ARHGAP21: variants seen among roughly 807,000 people sequenced by gnomAD.
ARHGAP21 encodes Rho GTPase activating protein 21.
In ARHGAP21, 38 loss-of-function variants were observed where a neutral mutation model predicts 164.6. The observed-to-expected ratio is 0.23, with a 90% CI of 0.18 to 0.30. The LOEUF (loss-of-function observed/expected upper bound fraction) is 0.30, where lower values mean the gene tolerates loss of function less well. Ranked by LOEUF, ARHGAP21 falls within the 10% of genes least tolerant of loss-of-function variation. The probability of loss-of-function intolerance (pLI) is 1.00; values close to 1 mark genes in which losing one functional copy is unlikely to be tolerated. For synonymous variants in ARHGAP21, 766 were observed against 857.9 expected (o/e 0.89, Z 1.87); for missense variants, 1,822 against 2,370.7 (o/e 0.77, Z 4.81).
In ARHGAP21 at chr10:24,586,133, C is replaced by T. The variant is rs772578206; in HGVS notation, c.4183-27G>A. The T allele has an allele frequency of 4.9e-5, 75 of 1,542,242 alleles. No homozygotes were observed. In the South Asian group the frequency reaches 9.0e-4, roughly 19 times the overall value. ...TGGGAAGCAAGAGAGAAGAAAGACT[C>T]TGAGCATAAGAATGCAGCTGAGTTC... On this transcript the variant is annotated intron_variant, in intron 25 of 25. Transcript: ENST00000396432.
At position 24,620,076 on chromosome 10, in the gene ARHGAP21, G is replaced by A; in HGVS notation, c.1819C>T (p.Leu607=). Residue 607 remains leucine (L), a synonymous_variant, in exon 9 of 26, where the codon CTG becomes TTG. Transcript: ENST00000396432. ...RNFQTTCGMS[L]PRGISQDRSP... The stretch of plus-strand genomic sequence containing the variant: ...CTGTCTTGTGAAATACCCCGAGGCA[G>A]TGACATTCCACAAGTAGTCTGAAAA... The A allele has an allele frequency of 6.2e-7, 1 of 1,613,960 alleles. No individual in the cohort carries two copies. Among genetic ancestry groups the A allele is most frequent in the Non-Finnish European group, 8.5e-7 (1 of 1,179,862 alleles).
At chr10:24,659,385 G>A (rs1485899449) in intron 4 of ARHGAP21, among the ~76,000 whole-genome samples, 2 of 152,060 alleles carry the variant, frequency 1.3e-5, no homozygotes, top group Non-Finnish European at 1.5e-5. Context: ...GGCGGATCTC[G>A]GCTCACTGCA....
intron 4 of ARHGAP21, among the ~76,000 whole-genome samples, chr10:24,652,559 T>C (rs1838291909): frequency 6.6e-6 from 1 of 152,208 alleles, no homozygotes; most frequent in Non-Finnish European, 1.5e-5. Context: ...CAGGTTGAAT[T>C]ACCTGCTAAT....
At chr10:24,634,217 A>C (rs1251645389) in intron 5 of ARHGAP21, among the ~76,000 whole-genome samples, 10 of 152,016 alleles carry the variant, frequency 6.6e-5, no homozygotes, top group Admixed American at 6.6e-4. Flanking sequence ...ATGATATTTA[A>C]ATCAGGCTTA....
At chr10:24,591,598 C>T in intron 23 of ARHGAP21, 44 bp downstream of exon 23, 10 of 1,604,806 alleles carry the variant, frequency 6.2e-6, no homozygotes, top group African/African-American at 1.3e-5. Flanking sequence ...ATCTTGTGTC[C>T]CAAATGAAAC....
intron 2 of ARHGAP21, among the ~76,000 whole-genome samples, chr10:24,702,199 C>T (rs1421919247): frequency 7.1e-6 from 1 of 141,296 alleles, no homozygotes; most frequent in Admixed American, 7.6e-5. Flanking sequence ...GGCGCGATCT[C>T]GGCTCACTGC....
intron 21 of ARHGAP21, 126 bp downstream of exon 21, chr10:24,594,821 TAAG>T (rs1192306971): frequency 9.7e-6 from 6 of 618,666 alleles, no homozygotes; most frequent in Non-Finnish European, 1.5e-5. Flanking sequence ...AAAACAATTT[TAAG>T]AAGGACTTAC....
intron 4 of ARHGAP21, among the ~76,000 whole-genome samples, chr10:24,656,452 G>A (rs1370105327): frequency 7.3e-5 from 5 of 68,548 alleles, no homozygotes; most frequent in Non-Finnish European, 1.2e-4. Context: ...GCCTCTGCCC[G>A]GCCACCCCTA....
intron 4 of ARHGAP21, among the ~76,000 whole-genome samples, chr10:24,637,296 G>A (rs1347929209): frequency 6.6e-6 from 1 of 152,280 alleles, no homozygotes; most frequent in African/African-American, 2.4e-5. Flanking sequence ...AAATGCAAAC[G>A]CTGAATTCCT....
At chr10:24,624,218 T>G (rs1834849955) in intron 7 of ARHGAP21, among the ~76,000 whole-genome samples, 1 of 152,028 alleles carries the variant, frequency 6.6e-6, no homozygotes. Context: ...CAAGAACATT[T>G]TTCACAAAAT....
chr10:24,692,703 A>G (rs2132031141), intron 2 of ARHGAP21, among the ~76,000 whole-genome samples: 1 of 152,236 alleles, frequency 6.6e-6, no homozygotes, highest in East Asian at 1.9e-4. Context: ...GTGGTGGCAG[A>G]CACCTATAAT....
At chr10:24,603,920 C>T (rs553303217) in intron 12 of ARHGAP21, among the ~76,000 whole-genome samples, 23 of 151,822 alleles carry the variant, frequency 1.5e-4, no homozygotes, top group African/African-American at 4.6e-4. Context: ...CGCTTGAACC[C>T]GGGAGGTGGA....
At chr10:24,679,540 T>A (rs142873675) in intron 2 of ARHGAP21, among the ~76,000 whole-genome samples, 31 of 152,344 alleles carry the variant, frequency 2.0e-4, no homozygotes, top group African/African-American at 7.2e-4. Context: ...ACTGCCAAAC[T>A]GCTTTTCAGA....
At chr10:24,674,321 G>A (rs1428756948) in intron 2 of ARHGAP21, among the ~76,000 whole-genome samples, 1 of 152,194 alleles carries the variant, frequency 6.6e-6, no homozygotes, top group Non-Finnish European at 1.5e-5. Context: ...ATCACCTGAG[G>A]TCAGGAGTTC....
intron 25 of ARHGAP21, among the ~76,000 whole-genome samples, chr10:24,588,810 A>G (rs2076212983): frequency 1.3e-5 from 2 of 152,354 alleles, no homozygotes; most frequent in Middle Eastern, 3.4e-3. Context: ...GTAAAAATGC[A>G]TAACAAAAAA....
At chr10:24,647,704 A>G (rs1837717264) in intron 4 of ARHGAP21, among the ~76,000 whole-genome samples, 1 of 152,222 alleles carries the variant, frequency 6.6e-6, no homozygotes, top group Non-Finnish European at 1.5e-5. Flanking sequence ...GGTACTTACT[A>G]GGCACTGAAA....
At chr10:24,662,989 A>G (rs1157259706) in intron 4 of ARHGAP21, among the ~76,000 whole-genome samples, 2 of 148,796 alleles carry the variant, frequency 1.3e-5, no homozygotes, top group Non-Finnish European at 3.0e-5. Context: ...CAGTAAAAAT[A>G]TGGTATTCAT....
In ARHGAP21 at chr10:24,721,955, C is replaced by T; in HGVS notation, c.-56G>A. Reference sequence around the variant, plus strand: ...CCTTTGGAGTCCACATTGGACGTGGCGGGGAATGCCACCACACACCCGAAG... The same window carrying T: ...CCTTTGGAGTCCACATTGGACGTGGTGGGGAATGCCACCACACACCCGAAG... On this transcript the variant is annotated 5_prime_UTR_variant, in exon 2 of 26. Coordinates refer to ENST00000396432, the MANE Select transcript of ARHGAP21 (RefSeq NM_020824.4). 6 of 1,576,190 alleles carry T rather than the reference C, an allele frequency of 3.8e-6. No homozygotes were observed. In the South Asian group the frequency reaches 5.6e-5, roughly 15 times the overall value.
intron 2 of ARHGAP21, among the ~76,000 whole-genome samples, chr10:24,696,068 C>G (rs7071907): frequency 0.79 from 120,985 of 152,260 alleles, 48,141 homozygotes; most frequent in Middle Eastern, 0.86. Context: ...CACTCTACCA[C>G]CAAAAACAAC....
Sources: gnomAD v4.1 joint callset for allele counts (sites outside exome capture counted in the v4.1 genomes callset) on GRCh38, gnomAD v4.1.1 for gene constraint, MANE v1.5 for transcripts, NCBI Gene and HGNC (gene_info 2026-07-23, HGNC 2026-07-21) for gene names.